The following ZNF608 variants were observed in gnomAD, a reference collection of about 807,000 sequenced individuals.
ZNF608 encodes zinc finger protein 608.
In ZNF608, 12 loss-of-function variants were observed where a neutral mutation model predicts 109.0. The observed-to-expected ratio is 0.11, with a 90% CI of 0.07 to 0.18. The LOEUF (loss-of-function observed/expected upper bound fraction) is 0.18, where lower values mean the gene tolerates loss of function less well. Ranked by LOEUF, ZNF608 falls within the 10% of genes least tolerant of loss-of-function variation. The pLI, the probability that ZNF608 is intolerant of heterozygous loss-of-function variation, is 1.00. For synonymous variants in ZNF608, 732 were observed against 717.4 expected, an observed-to-expected ratio of 1.02 and a Z score of -0.33; for missense variants, 1,707 against 1,879.3, an observed-to-expected ratio of 0.91 and a Z score of 1.70.
chr5:124,721,300 T>C (rs1039192515), intron 2 of ZNF608, among the ~76,000 whole-genome samples: 2 of 152,194 alleles, frequency 1.3e-5, no homozygotes, highest in African/African-American at 2.4e-5. Flanking sequence ...GAGACAGTTT[T>C]AAGGCTCTTT....
intron 2 of ZNF608, among the ~76,000 whole-genome samples, chr5:124,713,021 G>A (rs1753560631): frequency 6.6e-6 from 1 of 152,040 alleles, no homozygotes; most frequent in Non-Finnish European, 1.5e-5. Flanking sequence ...AAAGTAATGG[G>A]GATCCTAAAT....
At chr5:124,693,974 C>CTTTTTTTTATTTTTTTT (rs1752724424) in intron 3 of ZNF608, among the ~76,000 whole-genome samples, 2 of 60,934 alleles carry the variant, frequency 3.3e-5, no homozygotes, top group Non-Finnish European at 5.4e-5. Context: ...TTTCATTAAT[C>CTTTTTTTTATTTTTTTT]TTTTTTTTTT....
chr5:124,660,832 T>C (rs565382979), intron 3 of ZNF608, among the ~76,000 whole-genome samples: 14 of 152,306 alleles, frequency 9.2e-5, no homozygotes, highest in African/African-American at 3.1e-4. Flanking sequence ...GGTCATAAGC[T>C]GAAGAATGGA....
In ZNF608 at chr5:124,746,325, C is replaced by G; in HGVS notation, c.-314G>C. On this transcript the variant is annotated 5_prime_UTR_variant, in exon 1 of 10. The change abolishes an upstream ATG in the 5' untranslated region. Coordinates refer to ENST00000513986, the MANE Select transcript of ZNF608 (RefSeq NM_020747.3). ...TCAAGAAGGAAGAAACCAAATAACA[C>G]ATCTCAGCCAGAATAATCACTCGAT... 1 of 985,406 alleles carries G rather than the reference C, an allele frequency of 1.0e-6. No individual in the cohort carries two copies. The highest frequency in any genetic ancestry group is 1.2e-6 in the Non-Finnish European group (1 of 829,942). 61.0% of individuals were successfully genotyped at this position (985,406 alleles called of 1,614,324 possible). A position where few individuals can be genotyped will look rare whatever the true frequency, so the allele number is the denominator to read the frequency against.
At chr5:124,703,901 G>A (rs1176653222) in intron 2 of ZNF608, among the ~76,000 whole-genome samples, 1 of 152,050 alleles carries the variant, frequency 6.6e-6, no homozygotes, top group Non-Finnish European at 1.5e-5. Context: ...TTTGCATGCA[G>A]AAACACACAC....
intron 9 of ZNF608, 83 bp downstream of exon 9, chr5:124,639,050 G>T: frequency 7.5e-7 from 1 of 1,328,996 alleles, no homozygotes; most frequent in Non-Finnish European, 1.1e-6. Flanking sequence ...TTAAGTTTTT[G>T]GTCTAAAAAT....
At chr5:124,691,568 T>A (rs1207488149) in intron 3 of ZNF608, among the ~76,000 whole-genome samples, 1 of 152,188 alleles carries the variant, frequency 6.6e-6, no homozygotes, top group Non-Finnish European at 1.5e-5. Flanking sequence ...ATAGCCAACA[T>A]ATGAAAGCAA....
chr5:124,711,181 T>C (rs1343617757), intron 2 of ZNF608, among the ~76,000 whole-genome samples: 1 of 152,204 alleles, frequency 6.6e-6, no homozygotes, highest in Admixed American at 6.5e-5. Context: ...AGAATTCGGT[T>C]TCCCCACCTT....
rs1262582410 is a variant in ZNF608, at chr5:124,701,263, G to T, written c.913C>A (p.Pro305Thr). The T allele has an allele frequency of 1.7e-5, 28 of 1,613,830 alleles. No individual in the cohort carries two copies. The highest frequency in any genetic ancestry group is 2.2e-5 in the Non-Finnish European group (26 of 1,179,942). ...IKKLKTEKVD[P>T]LFTVPAPPPP... ...GGTGGCGCTGGCACTGTAAACAGGG[G>T]GTCAACCTGAAAGACAGACAGGCTT... is the stretch of plus-strand genomic sequence containing the variant. Residue 305 changes from proline to threonine, a missense_variant, in exon 3 of 10, where the codon CCC becomes ACC. This residue lies in a region of ZNF608 where 407 missense variants were observed against 398.7 expected (regional missense o/e 1.02). Transcript: ENST00000513986.
At chr5:124,687,304 G>A (rs1292233199) in intron 3 of ZNF608, among the ~76,000 whole-genome samples, 1 of 152,162 alleles carries the variant, frequency 6.6e-6, no homozygotes. Context: ...TAACTAGATG[G>A]TGTTGACAGA....
intron 2 of ZNF608, among the ~76,000 whole-genome samples, chr5:124,731,689 G>T (rs1284757939): frequency 6.6e-6 from 1 of 152,030 alleles, no homozygotes; most frequent in African/African-American, 2.4e-5. Context: ...AGCCAGGCGT[G>T]CTGGTGGGTG....
chr5:124,713,482 T>C (rs1282649117), intron 2 of ZNF608, among the ~76,000 whole-genome samples: 1 of 152,248 alleles, frequency 6.6e-6, no homozygotes, highest in African/African-American at 2.4e-5. Flanking sequence ...TGGAATGTTA[T>C]TCTCTCCCAC....
chr5:124,748,626 C>A, upstream of ZNF608: 1 of 932,498 alleles, frequency 1.1e-6, no homozygotes, highest in Non-Finnish European at 1.3e-6. Flanking sequence ...ATCTCTTCAA[C>A]AAATTTATTA....
chr5:124,645,638 T>A (rs143508249), intron 5 of ZNF608, among the ~76,000 whole-genome samples: 96 of 152,072 alleles, frequency 6.3e-4, no homozygotes, highest in South Asian at 3.3e-3. Flanking sequence ...TTGCAGTGGG[T>A]CAGGATGTCT....
intron 3 of ZNF608, among the ~76,000 whole-genome samples, chr5:124,657,745 T>G (rs1290999021): frequency 6.6e-6 from 1 of 152,160 alleles, no homozygotes; most frequent in Non-Finnish European, 1.5e-5. Context: ...TGGAAAGACA[T>G]GCTTTACTTC....
chr5:124,717,072 A>G (rs914761677), intron 2 of ZNF608, among the ~76,000 whole-genome samples: 10 of 152,172 alleles, frequency 6.6e-5, no homozygotes, highest in African/African-American at 2.4e-4. Context: ...ACAACAGCAA[A>G]ACTCCATCTC....
chr5:124,746,876 G>T, upstream of ZNF608: 1 of 717,346 alleles, frequency 1.4e-6, no homozygotes, highest in Non-Finnish European at 1.7e-6. Flanking sequence ...AAAGAAAGGT[G>T]TGGAGGAGGA....
chr5:124,721,972 A>AAAAAAAAAAAAAAAG (rs1753937575), intron 2 of ZNF608, among the ~76,000 whole-genome samples: 1 of 144,116 alleles, frequency 6.9e-6, no homozygotes, highest in Non-Finnish European at 1.5e-5. Context: ...AAAAAAAAAA[A>AAAAAAAAAAAAAAAG]GAACTCAAAG....
intron 2 of ZNF608, among the ~76,000 whole-genome samples, chr5:124,717,457 C>G (rs866644171): frequency 6.6e-6 from 1 of 152,086 alleles, no homozygotes; most frequent in Non-Finnish European, 1.5e-5. Context: ...GGCGACAGAG[C>G]GAGACTCCAC....
Sources: allele counts gnomAD v4.1 joint callset (sites outside exome capture counted in the v4.1 genomes callset), GRCh38; gene constraint gnomAD v4.1.1; regional missense constraint gnomAD v4.1.1; transcripts MANE v1.5; gene names NCBI Gene and HGNC (gene_info 2026-07-23, HGNC 2026-07-21).